Variants in SGCD observed in about 807,000 individuals in gnomAD.
SGCD encodes delta-sarcoglycan.
In SGCD, 18 loss-of-function variants were observed where a neutral mutation model predicts 36.6. The observed-to-expected ratio is 0.49, with a 90% confidence interval of 0.34 to 0.73. The LOEUF is 0.73. SGCD is among the 30% of genes least tolerant of loss of function. The probability of loss-of-function intolerance (pLI) is 0.01; values close to 1 mark genes in which losing one functional copy is unlikely to be tolerated. For missense variants in SGCD, 387 were observed against 346.7 expected (o/e 1.12, Z -0.92); for synonymous variants, 133 against 130.6 (o/e 1.02, Z -0.12).
At chr5:156,519,097 C>T (rs1298841939) in intron 4 of SGCD, among the ~76,000 whole-genome samples, 1 of 150,718 alleles carries the variant, frequency 6.6e-6, no homozygotes, top group African/African-American at 2.4e-5. Context: ...AAATAGCTTG[C>T]TAGACTAATA....
At chr5:156,571,321 C>T (rs1759715565) in intron 4 of SGCD, among the ~76,000 whole-genome samples, 1 of 152,220 alleles carries the variant, frequency 6.6e-6, no homozygotes, top group Admixed American at 6.5e-5. Context: ...GCTGGGATGA[C>T]AGGATGTGAG....
At chr5:156,038,910 C>A (rs1759566476) in intron 1 of SGCD, among the ~76,000 whole-genome samples, 1 of 152,108 alleles carries the variant, frequency 6.6e-6, no homozygotes, top group Admixed American at 6.6e-5. Context: ...AAGGCAAAAT[C>A]CTTAGCAGGG....
At chr5:156,227,402 G>A (rs1372428779) in intron 3 of SGCD, among the ~76,000 whole-genome samples, 1 of 152,110 alleles carries the variant, frequency 6.6e-6, no homozygotes, top group Non-Finnish European at 1.5e-5. Flanking sequence ...TCGAAGATCA[G>A]ATGGCTGTAA....
At chr5:156,612,930 G>A (rs1045647439) in intron 6 of SGCD, among the ~76,000 whole-genome samples, 12 of 152,194 alleles carry the variant, frequency 7.9e-5, no homozygotes, top group South Asian at 4.1e-4. Context: ...AGAACTCTCT[G>A]GCAGCAAGGA....
At chr5:155,968,370 T>C (rs1165331412) in intron 1 of SGCD, among the ~76,000 whole-genome samples, 1 of 152,104 alleles carries the variant, frequency 6.6e-6, no homozygotes, top group Non-Finnish European at 1.5e-5. Flanking sequence ...TATATGAGTA[T>C]ATATAAATAC....
intron 4 of SGCD, among the ~76,000 whole-genome samples, chr5:156,571,461 G>A (rs1759722183): frequency 6.6e-6 from 1 of 151,816 alleles, no homozygotes; most frequent in African/African-American, 2.4e-5. Context: ...CTCTCTCTTA[G>A]ATATGATATA....
chr5:156,630,096 C>T (rs1021653053), intron 6 of SGCD, among the ~76,000 whole-genome samples: 2 of 152,064 alleles, frequency 1.3e-5, no homozygotes, highest in Non-Finnish European at 2.9e-5. Context: ...CTCCTGACCT[C>T]AGGTGATCCA....
intron 1 of SGCD, among the ~76,000 whole-genome samples, chr5:155,954,837 G>A (rs1757618617): frequency 2.0e-5 from 3 of 152,130 alleles, no homozygotes; most frequent in Admixed American, 2.0e-4. Flanking sequence ...AAGATCTGCA[G>A]TCAGCAAGCT....
chr5:155,765,775 G>T, the SGCD span, among the ~76,000 whole-genome samples: 1 of 152,086 alleles, frequency 6.6e-6, no homozygotes, highest in Non-Finnish European at 1.5e-5. Flanking sequence ...TGAAAATGCT[G>T]TGCTGGGATT....
the SGCD span, among the ~76,000 whole-genome samples, chr5:155,790,793 T>C: frequency 6.6e-6 from 1 of 152,140 alleles, no homozygotes; most frequent in Non-Finnish European, 1.5e-5. Flanking sequence ...GCAGCATTAA[T>C]CTTAGGCTGC....
At chr5:156,124,659 T>G (rs1410342514) in intron 3 of SGCD, among the ~76,000 whole-genome samples, 2 of 152,056 alleles carry the variant, frequency 1.3e-5, no homozygotes, top group East Asian at 1.9e-4. Flanking sequence ...CATATAAATA[T>G]ATATAATTTA....
intron 3 of SGCD, among the ~76,000 whole-genome samples, chr5:156,376,375 G>C (rs1770669863): frequency 6.6e-6 from 1 of 152,188 alleles, no homozygotes; most frequent in South Asian, 2.1e-4. Flanking sequence ...ATGGAAGAGG[G>C]GCTAGGAAGT....
chr5:155,824,364 G>C, the SGCD span, among the ~76,000 whole-genome samples: 2 of 152,028 alleles, frequency 1.3e-5, no homozygotes, highest in South Asian at 4.2e-4. Context: ...AATCTTGCAA[G>C]GGTTAAGCAC....
At chr5:156,104,659 G>T (rs746986296) in intron 1 of SGCD, among the ~76,000 whole-genome samples, 18 of 152,210 alleles carry the variant, frequency 1.2e-4, no homozygotes, top group Non-Finnish European at 1.5e-4. Context: ...GTTAAAGCAG[G>T]TCTTCTTAGG....
intron 3 of SGCD, among the ~76,000 whole-genome samples, chr5:156,354,106 G>A (rs912228780): frequency 6.6e-6 from 1 of 152,130 alleles, no homozygotes; most frequent in African/African-American, 2.4e-5. Flanking sequence ...AATTTACTAG[G>A]GAAGAAAACA....
chr5:155,778,748 A>T, the SGCD span, among the ~76,000 whole-genome samples: 1 of 152,098 alleles, frequency 6.6e-6, no homozygotes, highest in African/African-American at 2.4e-5. Flanking sequence ...CTTCCTACTT[A>T]ATTATTACTT....
chr5:155,940,159 C>G (rs948064151), intron 1 of SGCD, among the ~76,000 whole-genome samples: 1 of 152,158 alleles, frequency 6.6e-6, no homozygotes, highest in Non-Finnish European at 1.5e-5. Context: ...CTTAAGTTCT[C>G]TAGATTCCCC....
intron 1 of SGCD, among the ~76,000 whole-genome samples, chr5:156,079,154 A>G (rs778393919): frequency 2.6e-5 from 4 of 152,168 alleles, no homozygotes; most frequent in Non-Finnish European, 5.9e-5. Flanking sequence ...CAAGAGAGAA[A>G]GAAAGAGTGA....
chr5:156,103,526 CT>C (rs1414501620), intron 1 of SGCD, among the ~76,000 whole-genome samples: 2 of 151,954 alleles, frequency 1.3e-5, no homozygotes, highest in Non-Finnish European at 2.9e-5. Context: ...TGTACATGAT[CT>C]TTTTTCTTTT....
Sources: allele counts gnomAD v4.1 joint callset (sites outside exome capture counted in the v4.1 genomes callset), GRCh38; gene constraint gnomAD v4.1.1; transcripts MANE v1.5; gene names NCBI Gene and HGNC (gene_info 2026-07-23, HGNC 2026-07-21).